The following FAT3 variants were observed in gnomAD, a reference collection of about 807,000 sequenced individuals.
The protein encoded by FAT3 is FAT atypical cadherin 3, also known as protocadherin Fat 3.
FAT3 carries 95 observed loss-of-function variants against 310.2 expected under a neutral mutation model. That is an observed-to-expected ratio of 0.31 (90% CI 0.26 to 0.36). The LOEUF (loss-of-function observed/expected upper bound fraction) is 0.36. Ranked by LOEUF, FAT3 falls within the 10% of genes least tolerant of loss-of-function variation. The probability of loss-of-function intolerance (pLI) is 1.00; values close to 1 mark genes in which losing one functional copy is unlikely to be tolerated. For missense variants in FAT3, 5,408 were observed against 5,715.6 expected (o/e 0.95, Z 1.74); for synonymous variants, 2,314 against 2,192.9 (o/e 1.06, Z -1.54).
chr11:92,822,591 G>A (rs1947996973), intron 13 of FAT3, among the ~76,000 whole-genome samples: 1 of 152,142 alleles, frequency 6.6e-6, no homozygotes, highest in African/African-American at 2.4e-5. Flanking sequence ...CGATTATGTT[G>A]TCCATCATCT....
intron 4 of FAT3, among the ~76,000 whole-genome samples, chr11:92,756,728 G>C (rs924103671): frequency 5.3e-5 from 8 of 152,006 alleles, no homozygotes; most frequent in African/African-American, 1.9e-4. Context: ...AGTGAGAAGT[G>C]TGCCCTCCCA....
intron 2 of FAT3, among the ~76,000 whole-genome samples, chr11:92,471,325 A>G (rs1951897034): frequency 6.6e-6 from 1 of 152,204 alleles, no homozygotes. Flanking sequence ...ACTCTTAACA[A>G]AATATTAGTG....
At chr11:92,532,026 G>A (rs760736585) in intron 3 of FAT3, among the ~76,000 whole-genome samples, 9 of 152,150 alleles carry the variant, frequency 5.9e-5, no homozygotes, top group African/African-American at 1.9e-4. Context: ...TTGCACTAAC[G>A]TGGAATACTT....
intron 2 of FAT3, among the ~76,000 whole-genome samples, chr11:92,374,030 G>GGAGAGAGAGAGAGAGAGAGAGA (rs58680206): frequency 4.2e-5 from 6 of 142,136 alleles, no homozygotes; most frequent in African/African-American, 1.1e-4. Flanking sequence ...ACAGAGAGAG[G>GGAGAGAGAGAGAGAGAGAGAGA]GAGAGAGAGA....
At chr11:92,565,949 T>G (rs556671742) in intron 3 of FAT3, among the ~76,000 whole-genome samples, 88 of 152,200 alleles carry the variant, frequency 5.8e-4, no homozygotes, top group South Asian at 1.5e-3. Flanking sequence ...GGGCAAAAAC[T>G]GGAAGCATTC....
intron 2 of FAT3, among the ~76,000 whole-genome samples, chr11:92,397,064 G>C (rs1299747778): frequency 6.6e-6 from 1 of 152,136 alleles, no homozygotes; most frequent in East Asian, 1.9e-4. Flanking sequence ...TTTGGTGATA[G>C]TGCAGTTTTT....
chr11:92,565,045 A>G (rs1298373084), intron 3 of FAT3, among the ~76,000 whole-genome samples: 2 of 145,216 alleles, frequency 1.4e-5, no homozygotes, highest in African/African-American at 5.0e-5. Flanking sequence ...TCAGAGCAGA[A>G]CTGAAGGAAA....
In FAT3 at chr11:92,478,223, C is replaced by T. The variant is rs12575608; in HGVS notation, c.3293-46411C>T. ...TTCAGCTGGTAACCGAATTCATCACCTTGCCCCTCTTGTAAGCCAGTTTTG... is the reference window on the plus strand; with the variant it reads ...TTCAGCTGGTAACCGAATTCATCACTTTGCCCCTCTTGTAAGCCAGTTTTG... On this transcript the variant is annotated intron_variant, in intron 2 of 27. Transcript: ENST00000525166. Among the ~76,000 whole-genome samples the T allele has an allele frequency of 6.1e-3, 931 of 152,294 alleles. 23 individuals carry two copies. Among genetic ancestry groups the T allele is most frequent in the East Asian group, 0.05 (259 of 5,180 alleles).
At chr11:92,231,114 C>T (rs984276001) in intron 1 of FAT3, among the ~76,000 whole-genome samples, 1 of 152,128 alleles carries the variant, frequency 6.6e-6, no homozygotes, top group Non-Finnish European at 1.5e-5. Flanking sequence ...TCTCCCACCC[C>T]CCAATTTCAA....
intron 2 of FAT3, chr11:92,366,963 T>C (rs1170705328): frequency 1.9e-6 from 1 of 527,258 alleles, no homozygotes; most frequent in African/African-American, 1.9e-5. Context: ...TTATTGACTC[T>C]GGTCAGACAC....
In FAT3 at chr11:92,792,995, G is replaced by A; in HGVS notation, c.4822+18G>A. 6.2e-7 allele frequency: 1 copy of A among 1,608,884 alleles called. No homozygotes were observed. The highest frequency in any genetic ancestry group is 1.7e-5 in the Admixed American group (1 of 59,734). ...AGAAGCAGGTGAGAGCTGTTGCACT[G>A]CACAGATTTCAGCATAATGCAAGGC... is the stretch of plus-strand genomic sequence containing the variant. On this transcript the variant is annotated intron_variant, in intron 9 of 27. Transcript: ENST00000525166.
At chr11:92,337,814 G>A (rs16917394) in intron 1 of FAT3, among the ~76,000 whole-genome samples, 9,175 of 152,270 alleles carry the variant, frequency 0.06, 920 homozygotes, top group African/African-American at 0.2. Flanking sequence ...AAGCTTCTCT[G>A]TTGCTAAATT....
At chr11:92,888,797 C>G (rs1949851014) in intron 25 of FAT3, among the ~76,000 whole-genome samples, 1 of 152,146 alleles carries the variant, frequency 6.6e-6, no homozygotes, top group African/African-American at 2.4e-5. Flanking sequence ...AAATAATTAT[C>G]CCCGGAAATA....
At chr11:92,862,826 GT>G (rs1215216600) in intron 21 of FAT3, among the ~76,000 whole-genome samples, 1 of 152,200 alleles carries the variant, frequency 6.6e-6, no homozygotes, top group Admixed American at 6.5e-5. Context: ...CCCCTTGCAT[GT>G]AGGTATGAGT....
intron 2 of FAT3, among the ~76,000 whole-genome samples, chr11:92,436,694 A>T (rs1450707501): frequency 1.3e-5 from 2 of 152,172 alleles, no homozygotes; most frequent in Non-Finnish European, 2.9e-5. Context: ...TCATCAAGAC[A>T]AGCCTCTGGC....
rs753078588 is a variant in FAT3, at chr11:92,809,831, T to A, written c.9248-12T>A. 2.5e-6 allele frequency: 4 copies of A among 1,604,316 alleles called. No homozygotes were observed. In the South Asian group the frequency reaches 4.4e-5, roughly 18 times the overall value. Reference sequence around the variant, plus strand: ...AAACTCAGACCAATCATGCTGCCATTTATTTTCACAGGCGAGTTAAAAACC... The same window carrying A: ...AAACTCAGACCAATCATGCTGCCATATATTTTCACAGGCGAGTTAAAAACC... On this transcript the variant is annotated splice_polypyrimidine_tract_variant and intron_variant, in intron 12 of 27. Transcript: ENST00000525166.
intron 2 of FAT3, among the ~76,000 whole-genome samples, chr11:92,379,730 G>A (rs529681597): frequency 6.6e-6 from 1 of 152,038 alleles, no homozygotes; most frequent in African/African-American, 2.4e-5. Context: ...TAAGTACTAG[G>A]GTGAAAAATC....
intron 1 of FAT3, among the ~76,000 whole-genome samples, chr11:92,320,477 T>C (rs1318755137): frequency 6.6e-6 from 1 of 152,134 alleles, no homozygotes; most frequent in Non-Finnish European, 1.5e-5. Flanking sequence ...GTTTGGGACT[T>C]AGAGTTAATG....
chr11:92,706,994 C>G (rs1017782276), intron 4 of FAT3, among the ~76,000 whole-genome samples: 3 of 152,168 alleles, frequency 2.0e-5, no homozygotes, highest in Admixed American at 2.0e-4. Flanking sequence ...GGCAGTAGCT[C>G]TTCACTTTTT....
Sources: gnomAD v4.1 joint callset for allele counts (sites outside exome capture counted in the v4.1 genomes callset) on GRCh38, gnomAD v4.1.1 for gene constraint, MANE v1.5 for transcripts, NCBI Gene and HGNC (gene_info 2026-07-23, HGNC 2026-07-21) for gene names.